The following CDH12 variants were observed in gnomAD, a reference collection of about 807,000 sequenced individuals.
The protein encoded by CDH12 is cadherin 12.
CDH12 carries 41 observed loss-of-function variants against 74.1 expected under a neutral mutation model. The observed-to-expected ratio is 0.55, with a 90% CI of 0.43 to 0.72. The LOEUF (loss-of-function observed/expected upper bound fraction) is 0.72. CDH12 is among the 30% of genes least tolerant of loss of function. CDH12 has a pLI of 0.00. For missense variants in CDH12, 945 were observed against 977.2 expected (o/e 0.97, Z 0.44); for synonymous variants, 399 against 355.0 (o/e 1.12, Z -1.39).
chr5:22,389,337 T>C, intron 3 of CDH12, among the ~76,000 whole-genome samples: 1 of 152,154 alleles, frequency 6.6e-6, no homozygotes, highest in East Asian at 1.9e-4. Context: ...CCTTATGGGA[T>C]AAGGACAAGC....
At chr5:21,828,052 G>A (rs531100823) in intron 8 of CDH12, among the ~76,000 whole-genome samples, 24 of 151,722 alleles carry the variant, frequency 1.6e-4, no homozygotes, top group Non-Finnish European at 3.2e-4. Flanking sequence ...TATGCCACAA[G>A]CAACACTAAA....
chr5:22,788,488 A>G (rs1747752003), intron 1 of CDH12, among the ~76,000 whole-genome samples: 3 of 150,282 alleles, frequency 2.0e-5, no homozygotes. Context: ...TTGAATACTC[A>G]CTATATGTCA....
chr5:22,250,489 A>G (rs1027230660), intron 3 of CDH12, among the ~76,000 whole-genome samples: 2 of 152,166 alleles, frequency 1.3e-5, no homozygotes, highest in Non-Finnish European at 2.9e-5. Context: ...ACCCAGCCTT[A>G]GAAGTCACGC....
At chr5:22,442,461 G>A (rs961262725) in intron 2 of CDH12, among the ~76,000 whole-genome samples, 1 of 152,072 alleles carries the variant, frequency 6.6e-6, no homozygotes, top group Non-Finnish European at 1.5e-5. Flanking sequence ...ACAACACAGT[G>A]AGGCCCCGTC....
At chr5:21,949,479 C>T (rs1755735633) in intron 6 of CDH12, among the ~76,000 whole-genome samples, 1 of 150,246 alleles carries the variant, frequency 6.7e-6, no homozygotes, top group African/African-American at 2.4e-5. Context: ...AAATAGGCAA[C>T]TGTAAAACAG....
At chr5:21,962,128 T>C (rs1241305291) in intron 6 of CDH12, among the ~76,000 whole-genome samples, 1 of 152,160 alleles carries the variant, frequency 6.6e-6, no homozygotes. Context: ...GCACTGAAAT[T>C]TTTCATCAAA....
chr5:22,203,921 G>T (rs989695890), intron 4 of CDH12, among the ~76,000 whole-genome samples: 1 of 152,074 alleles, frequency 6.6e-6, no homozygotes, highest in Non-Finnish European at 1.5e-5. Context: ...CGGATTGTGG[G>T]ATAAGAACTC....
At chr5:22,009,839 G>T (rs572382433) in intron 5 of CDH12, among the ~76,000 whole-genome samples, 1 of 150,322 alleles carries the variant, frequency 6.7e-6, no homozygotes, top group African/African-American at 2.5e-5. Flanking sequence ...TTAGCTGAGC[G>T]TGGTGGCGGT....
intron 1 of CDH12, among the ~76,000 whole-genome samples, chr5:22,584,622 C>G (rs1052853201): frequency 1.3e-5 from 2 of 152,028 alleles, no homozygotes. Flanking sequence ...GCATATATTT[C>G]TAGAAATAGT....
At chr5:22,686,989 A>G (rs1027900708) in intron 1 of CDH12, among the ~76,000 whole-genome samples, 11 of 152,220 alleles carry the variant, frequency 7.2e-5, no homozygotes, top group Admixed American at 7.2e-4. Flanking sequence ...CTGATGAGGT[A>G]ATTCATACTT....
chr5:21,885,981 T>C (rs1752608439), intron 6 of CDH12, among the ~76,000 whole-genome samples: 1 of 152,160 alleles, frequency 6.6e-6, no homozygotes, highest in African/African-American at 2.4e-5. Flanking sequence ...GGGTAGTATA[T>C]TGTATGTGAA....
chr5:22,440,014 A>G (rs1744561717), intron 2 of CDH12, among the ~76,000 whole-genome samples: 1 of 152,072 alleles, frequency 6.6e-6, no homozygotes, highest in Admixed American at 6.6e-5. Flanking sequence ...CATTACTACA[A>G]CACTGATGAG....
chr5:22,342,749 C>T (rs536828992), intron 3 of CDH12, among the ~76,000 whole-genome samples: 2 of 139,128 alleles, frequency 1.4e-5, no homozygotes, highest in South Asian at 4.8e-4. Context: ...TATTTCCTTC[C>T]CTCCCTCCCT....
chr5:22,282,058 A>G (rs369904653), intron 3 of CDH12, among the ~76,000 whole-genome samples: 1 of 152,022 alleles, frequency 6.6e-6, no homozygotes, highest in Non-Finnish European at 1.5e-5. Flanking sequence ...TATGTAGACC[A>G]ATGGAACAGA....
chr5:21,913,160 A>T (rs1413454166), intron 6 of CDH12, among the ~76,000 whole-genome samples: 1 of 152,152 alleles, frequency 6.6e-6, no homozygotes, highest in Non-Finnish European at 1.5e-5. Context: ...GGTTTCTATG[A>T]TTCATCTTAG....
chr5:22,820,376 T>C (rs927265412), intron 1 of CDH12, among the ~76,000 whole-genome samples: 2 of 151,954 alleles, frequency 1.3e-5, no homozygotes, highest in Non-Finnish European at 2.9e-5. Context: ...AATCATGGGG[T>C]CTGGTCTTTC....
At chr5:21,915,432 A>G (rs1252684604) in intron 6 of CDH12, among the ~76,000 whole-genome samples, 1 of 152,194 alleles carries the variant, frequency 6.6e-6, no homozygotes. Context: ...AAAAAGGAAC[A>G]CAATGACCTA....
intron 2 of CDH12, among the ~76,000 whole-genome samples, chr5:22,446,251 C>G (rs1032622369): frequency 6.6e-6 from 1 of 152,088 alleles, no homozygotes; most frequent in Admixed American, 6.6e-5. Context: ...CGACGGTCAT[C>G]TGCAGCACTT....
At chr5:22,281,498 C>T (rs1039834473) in intron 3 of CDH12, among the ~76,000 whole-genome samples, 1 of 152,154 alleles carries the variant, frequency 6.6e-6, no homozygotes, top group South Asian at 2.1e-4. Flanking sequence ...CCCAAAATCT[C>T]CTTAAGCTGA....
Sources: allele counts gnomAD v4.1 joint callset (sites outside exome capture counted in the v4.1 genomes callset), GRCh38; gene constraint gnomAD v4.1.1; transcripts MANE v1.5; gene names NCBI Gene and HGNC (gene_info 2026-07-23, HGNC 2026-07-21).